The following KIRREL3 variants were observed in gnomAD, a reference collection of about 807,000 sequenced individuals.
KIRREL3 encodes the protein kirre like nephrin family adhesion molecule 3.
KIRREL3 carries 36 observed loss-of-function variants against 89.7 expected under a neutral mutation model. The observed-to-expected ratio is 0.40, with a 90% confidence interval of 0.31 to 0.53. The LOEUF is 0.53. KIRREL3 is among the 20% of genes least tolerant of loss of function. KIRREL3 has a pLI of 0.49. For synonymous variants in KIRREL3, 445 were observed against 441.4 expected (o/e 1.01, Z -0.10); for missense variants, 864 against 1,056.6 (o/e 0.82, Z 2.53).
At chr11:126,735,497 C>A (rs1333975122) in intron 1 of KIRREL3, among the ~76,000 whole-genome samples, 1 of 152,176 alleles carries the variant, frequency 6.6e-6, no homozygotes, top group East Asian at 1.9e-4. Flanking sequence ...CAGATCAATA[C>A]TTCCACTGAA....
chr11:126,979,924 G>T (rs1184224269), intron 1 of KIRREL3, among the ~76,000 whole-genome samples: 1 of 152,270 alleles, frequency 6.6e-6, no homozygotes, highest in African/African-American at 2.4e-5. Context: ...TGTCAGAGAT[G>T]ATATGAAAAA....
rs1473845124 is a variant in KIRREL3, at chr11:126,471,486, G to T, written c.591+1823C>A. Among the ~76,000 whole-genome samples, 1 of 152,146 alleles carries T rather than the reference G, an allele frequency of 6.6e-6. No individual in the cohort carries two copies. The highest frequency in any genetic ancestry group is 1.9e-4 in the East Asian group (1 of 5,192). On this transcript the variant is annotated intron_variant, in intron 5 of 16. Transcript: ENST00000525144. The surrounding 1 kb of genome is among the most constrained non-coding windows in gnomAD (Gnocchi z 5.4). ...AAGGGGAGGCCCCAGGGTCAGTTGG[G>T]GCTGGGGTGGGAGGTGTGGGGAGAG...
intron 1 of KIRREL3, among the ~76,000 whole-genome samples, chr11:126,861,774 C>T (rs1944714160): frequency 6.6e-6 from 1 of 152,208 alleles, no homozygotes; most frequent in Admixed American, 6.5e-5. Flanking sequence ...TCTCTGCTGA[C>T]CTGGATCTGA....
rs1371233665 is a variant in KIRREL3, at chr11:126,568,208, G to A, written c.56-5296C>T. ...GTCTGGGCTCTCTCTTAAAGGAGGTGGGAGCCACGCAGAATGCTAGGCAGG... is the reference window on the plus strand; with the variant it reads ...GTCTGGGCTCTCTCTTAAAGGAGGTAGGAGCCACGCAGAATGCTAGGCAGG... On this transcript the variant is annotated intron_variant, in intron 1 of 16. Coordinates refer to ENST00000525144, the MANE Select transcript of KIRREL3 (RefSeq NM_032531.4). This position sits in a 1 kb window ranked among gnomAD's most constrained non-coding sequence, Gnocchi z 4.6. Among the ~76,000 whole-genome samples the A allele has an allele frequency of 6.6e-6, 1 of 152,064 alleles. No individual in the cohort carries two copies. Among genetic ancestry groups the A allele is most frequent in the African/African-American group, 2.4e-5 (1 of 41,438 alleles).
At chr11:126,957,234 G>A (rs547524351) in intron 1 of KIRREL3, among the ~76,000 whole-genome samples, 46 of 152,230 alleles carry the variant, frequency 3.0e-4, no homozygotes, top group African/African-American at 1.1e-3. Flanking sequence ...TGACTCTCTG[G>A]CTGCTCCCTT....
chr11:126,964,861 TATAGAGTAG>T (rs750199277), intron 1 of KIRREL3, among the ~76,000 whole-genome samples: 4 of 152,166 alleles, frequency 2.6e-5, no homozygotes, highest in Admixed American at 6.5e-5. Flanking sequence ...CAGAAGTCTG[TATAGAGTAG>T]ACTCAGTTCG....
Position 126,983,197 on chromosome 11 carries a change from C to T in KIRREL3, c.55+17258G>A, listed in dbSNP as rs1408381275. ...ACTTGTAGGTACAATATTATAATAA[C>T]CATTTTGTACTAAGCACCTATTATT... is the stretch of plus-strand genomic sequence containing the variant. On this transcript the variant is annotated intron_variant, in intron 1 of 16. Transcript: ENST00000525144. This position sits in a 1 kb window ranked among gnomAD's most constrained non-coding sequence, Gnocchi z 4.9. Among the ~76,000 whole-genome samples, 2 of 151,972 alleles carry T rather than the reference C, an allele frequency of 1.3e-5. No homozygotes were observed. The highest frequency in any genetic ancestry group is 2.9e-5 in the Non-Finnish European group (2 of 68,016).
intron 1 of KIRREL3, among the ~76,000 whole-genome samples, chr11:126,688,303 T>A (rs1302872375): frequency 6.6e-6 from 1 of 152,240 alleles, no homozygotes; most frequent in African/African-American, 2.4e-5. Context: ...ACATAAGCGA[T>A]ATTGATTGCA....
At position 126,953,768 on chromosome 11, in the gene KIRREL3, C is replaced by G. The variant is rs1177546175; in HGVS notation, c.55+46687G>C. 6.6e-6 allele frequency among the ~76,000 whole-genome samples: 1 copy of G among 152,198 alleles called. No individual in the cohort carries two copies. The highest frequency in any genetic ancestry group is 1.5e-5 in the Non-Finnish European group (1 of 68,028). On this transcript the variant is annotated intron_variant, in intron 1 of 16. Transcript: ENST00000525144. The surrounding 1 kb of genome is among the most constrained non-coding windows in gnomAD (Gnocchi z 5.2). ...TAGCAGGAAAGAGTTTTCATGATTT[C>G]TGCCTCTCAGAGGTCTCTCAAACAG...
intron 1 of KIRREL3, among the ~76,000 whole-genome samples, chr11:126,603,471 C>T (rs1432646507): frequency 6.6e-6 from 1 of 152,182 alleles, no homozygotes; most frequent in Non-Finnish European, 1.5e-5. Context: ...GATATGGGGG[C>T]CTTGACTAAG....
rs1950005430 is a variant in KIRREL3, at chr11:126,990,487, C to T, written c.55+9968G>A. ...GCCACTAGGCTTTCCCCTTCCCCGT[C>T]CTAAGGGACCTCCCGGGCTCTGCTC... On this transcript the variant is annotated intron_variant, in intron 1 of 16. Coordinates refer to ENST00000525144, the MANE Select transcript of KIRREL3 (RefSeq NM_032531.4). The surrounding 1 kb of genome is among the most constrained non-coding windows in gnomAD (Gnocchi z 6.3). Among the ~76,000 whole-genome samples the T allele has an allele frequency of 6.6e-6, 1 of 152,162 alleles. No homozygotes were observed. The highest frequency in any genetic ancestry group is 2.1e-4 in the South Asian group (1 of 4,826).
intron 1 of KIRREL3, among the ~76,000 whole-genome samples, chr11:126,927,709 C>A (rs1420450871): frequency 6.6e-6 from 1 of 152,190 alleles, no homozygotes; most frequent in Non-Finnish European, 1.5e-5. Flanking sequence ...GAATCTTCAG[C>A]AGCATGCACA....
At chr11:126,633,225 G>C (rs891675326) in intron 1 of KIRREL3, among the ~76,000 whole-genome samples, 7 of 152,156 alleles carry the variant, frequency 4.6e-5, no homozygotes, top group African/African-American at 1.7e-4. Context: ...GGGGCCTGTT[G>C]TGGGGTGGGG....
In KIRREL3 at chr11:126,684,074, C is replaced by A. The variant is rs1199502230; in HGVS notation, c.56-121162G>T. 1.3e-5 allele frequency among the ~76,000 whole-genome samples: 2 copies of A among 152,208 alleles called. No homozygotes were observed. Among genetic ancestry groups the A allele is most frequent in the Non-Finnish European group, 2.9e-5 (2 of 68,038 alleles). ...TGTCTGATCTGCTGACAGCCGCGAC[C>A]CTGCCACCTGCTCAGTGGGATGGCA... On this transcript the variant is annotated intron_variant, in intron 1 of 16. Transcript: ENST00000525144. The surrounding 1 kb of genome is among the most constrained non-coding windows in gnomAD (Gnocchi z 4.2).
At position 126,693,379 on chromosome 11, in the gene KIRREL3, C is replaced by A. The variant is rs1456853364; in HGVS notation, c.56-130467G>T. Among the ~76,000 whole-genome samples, 8 of 152,138 alleles carry A rather than the reference C, an allele frequency of 5.3e-5. 1 individual carries two copies. Among genetic ancestry groups the A allele is most frequent in the Non-Finnish European group, 1.0e-4 (7 of 68,012 alleles). On this transcript the variant is annotated intron_variant, in intron 1 of 16. Transcript: ENST00000525144. ...GATGTTGCAGTGAGCTGAGATTGCG[C>A]CATTGTACTCCAGCCTGGGTGACAG...
At chr11:126,626,707 T>G (rs1445399801) in intron 1 of KIRREL3, among the ~76,000 whole-genome samples, 1 of 152,156 alleles carries the variant, frequency 6.6e-6, no homozygotes, top group Non-Finnish European at 1.5e-5. Context: ...ATAACCACAG[T>G]TTTGGCTGGG....
rs1388068444 is a variant in KIRREL3 at position 126,664,815 on chromosome 11, C to T, written c.56-101903G>A. 6.6e-6 allele frequency among the ~76,000 whole-genome samples: 1 copy of T among 152,200 alleles called. No individual in the cohort carries two copies. The highest frequency in any genetic ancestry group is 1.9e-4 in the East Asian group (1 of 5,190). On this transcript the variant is annotated intron_variant, in intron 1 of 16. Transcript: ENST00000525144. This position sits in a 1 kb window ranked among gnomAD's most constrained non-coding sequence, Gnocchi z 5.4. ...CTGCAGCCTCATGGCACTACTTCCT[C>T]ATCTATGAACCTCTTGTGCCCTTAG... is the stretch of plus-strand genomic sequence containing the variant.
chr11:126,451,602 G>A (rs1956168566), intron 7 of KIRREL3, among the ~76,000 whole-genome samples: 1 of 149,326 alleles, frequency 6.7e-6, no homozygotes, highest in African/African-American at 2.5e-5. Context: ...ACATGTGTGA[G>A]CATGTGCATG....
chr11:126,548,162 T>C (rs141780110), intron 2 of KIRREL3, among the ~76,000 whole-genome samples: 2,279 of 152,264 alleles, frequency 0.015, 20 homozygotes, highest in Non-Finnish European at 0.024. Flanking sequence ...TCTGTACCTC[T>C]CTTTAGTTCT....
Sources: allele counts gnomAD v4.1 joint callset (sites outside exome capture counted in the v4.1 genomes callset), GRCh38; gene constraint gnomAD v4.1.1; non-coding constraint Gnocchi (gnomAD v3.1); transcripts MANE v1.5; gene names NCBI Gene and HGNC (gene_info 2026-07-23, HGNC 2026-07-21).